Variants in MAN2B2 observed in about 807,000 individuals in gnomAD.
MAN2B2 encodes epididymis-specific alpha-mannosidase.
Under a neutral mutation model 117.1 loss-of-function variants are expected in MAN2B2, and 106 were observed. That is an observed-to-expected ratio of 0.90 (90% CI 0.77 to 1.06). The LOEUF (loss-of-function observed/expected upper bound fraction) is 1.06. Ranked by LOEUF, MAN2B2 falls within the 50% of genes least tolerant of loss-of-function variation. The pLI is 0.00. For missense variants in MAN2B2, 1,326 were observed against 1,381.4 expected, an observed-to-expected ratio of 0.96 and a Z score of 0.64; for synonymous variants, 544 against 595.1, an observed-to-expected ratio of 0.91 and a Z score of 1.25.
chr4:6,585,323 C>T (rs1365498193), intron 3 of MAN2B2, among the ~76,000 whole-genome samples: 7 of 152,206 alleles, frequency 4.6e-5, no homozygotes, highest in African/African-American at 1.7e-4. Context: ...CAGTTTGACT[C>T]TAGATCAGTT....
intron 15 of MAN2B2, among the ~76,000 whole-genome samples, chr4:6,612,042 T>C (rs1450344624): frequency 6.6e-6 from 1 of 152,254 alleles, no homozygotes; most frequent in East Asian, 1.9e-4. Flanking sequence ...GCTGCCATTC[T>C]CACTAATCCT....
chr4:6,579,301 TCACCACCACCACCACCATCAC>T (rs1726299974), intron 3 of MAN2B2, among the ~76,000 whole-genome samples: 1 of 15,818 alleles, frequency 6.3e-5, no homozygotes, highest in South Asian at 2.7e-3. Context: ...ACCACCACCA[TCACCACCACCACCACCATCAC>T]CACCACCACC....
chr4:6,593,531 C>A (rs781007828), intron 6 of MAN2B2, among the ~76,000 whole-genome samples, 181 bp downstream of exon 6: 1 of 152,242 alleles, frequency 6.6e-6, no homozygotes, highest in Non-Finnish European at 1.5e-5. Flanking sequence ...GCCCCTCCCC[C>A]ACCTGGAAAA....
intron 11 of MAN2B2, among the ~76,000 whole-genome samples, chr4:6,607,266 C>T (rs2108752226): frequency 6.6e-6 from 1 of 152,248 alleles, no homozygotes; most frequent in East Asian, 1.9e-4. Flanking sequence ...TGCAGTGGCA[C>T]AATCATGGCT....
At chr4:6,602,141 C>T (rs1437131153) in intron 10 of MAN2B2, among the ~76,000 whole-genome samples, 1 of 152,238 alleles carries the variant, frequency 6.6e-6, no homozygotes, top group Non-Finnish European at 1.5e-5. Context: ...TCAAGCACCA[C>T]CAGCCGTGAG....
In MAN2B2 at chr4:6,594,516, G is replaced by A. The variant is rs777607716; in HGVS notation, c.859-18G>A. 32 of 1,610,378 alleles carry A rather than the reference G, an allele frequency of 2.0e-5. No homozygotes were observed. The highest frequency in any genetic ancestry group is 1.6e-4 in the Middle Eastern group (1 of 6,080). ...CCCTGCTCCCACGGCACAGGATGTT[G>A]CTCCCATGTCCCTGCAGGGATGTGA... On this transcript the variant is annotated intron_variant, in intron 6 of 18. Transcript: ENST00000285599.
chr4:6,591,434 C>G (rs1726856366), intron 5 of MAN2B2, among the ~76,000 whole-genome samples: 1 of 152,264 alleles, frequency 6.6e-6, no homozygotes, highest in Admixed American at 6.5e-5. Context: ...GCGGACTGAA[C>G]ACGCAGGGGC....
intron 10 of MAN2B2, among the ~76,000 whole-genome samples, chr4:6,601,400 T>C (rs944576399): frequency 6.6e-6 from 1 of 151,294 alleles, no homozygotes; most frequent in South Asian, 2.1e-4. Flanking sequence ...ATTGGGAGGC[T>C]GAGGCAGGAG....
intron 4 of MAN2B2, among the ~76,000 whole-genome samples, chr4:6,588,444 G>T (rs1726727945): frequency 6.6e-6 from 1 of 152,202 alleles, no homozygotes; most frequent in Non-Finnish European, 1.5e-5. Context: ...ATTTCCAGTG[G>T]GCACAGTGGC....
chr4:6,617,477 G>T lies in MAN2B2; in HGVS notation c.2799G>T (p.Val933=), dbSNP rs4689490. ...VGEDPVLSQP[V]TVNLEAVLQA... is the part of the protein sequence containing the mutation. ...AGGACCCAGTCCTGTCTCAGCCAGT[G>T]ACAGTGAATCTGGAGGTGAACTTCC... is the stretch of plus-strand genomic sequence containing the variant. The change falls in exon 17 of 19, where the codon GTG becomes GTT. Residue 933 remains valine (V), a synonymous_variant. Coordinates refer to ENST00000285599, the MANE Select transcript of MAN2B2 (RefSeq NM_015274.3). 1 of 1,613,898 alleles carries T rather than the reference G, an allele frequency of 6.2e-7. No homozygotes were observed. Among genetic ancestry groups the T allele is most frequent in the South Asian group, 1.1e-5 (1 of 91,076 alleles).
chr4:6,604,815 G>T (rs1462246220), intron 10 of MAN2B2, among the ~76,000 whole-genome samples: 1 of 152,058 alleles, frequency 6.6e-6, no homozygotes, highest in African/African-American at 2.4e-5. Flanking sequence ...CAGGAGGTGG[G>T]AGTAAGAGAA....
At chr4:6,617,062 C>T (rs1305153513) in intron 16 of MAN2B2, among the ~76,000 whole-genome samples, 2 of 152,194 alleles carry the variant, frequency 1.3e-5, no homozygotes, top group African/African-American at 2.4e-5. Flanking sequence ...TACATGGTGG[C>T]AGGCAAGAGA....
intron 3 of MAN2B2, 132 bp downstream of exon 3, chr4:6,578,630 C>T (rs1416765694): frequency 7.3e-6 from 5 of 681,360 alleles, no homozygotes; most frequent in Non-Finnish European, 9.9e-6. Context: ...CCAGTGAAAG[C>T]AGTGATTTGC....
chr4:6,581,959 G>A (rs1172788861), intron 3 of MAN2B2, among the ~76,000 whole-genome samples: 1 of 152,012 alleles, frequency 6.6e-6, no homozygotes, highest in Non-Finnish European at 1.5e-5. Flanking sequence ...TGTGGGCAGC[G>A]GCCCCCGGGG....
At chr4:6,607,314 C>T (rs978760916) in intron 11 of MAN2B2, among the ~76,000 whole-genome samples, 3 of 152,166 alleles carry the variant, frequency 2.0e-5, no homozygotes, top group African/African-American at 7.2e-5. Flanking sequence ...TCAAGTGATC[C>T]TCCCACCTCA....
chr4:6,614,327 C>G lies in MAN2B2; in HGVS notation c.2673C>G (p.His891Gln). The G allele has an allele frequency of 1.9e-6, 3 of 1,614,138 alleles. No individual in the cohort carries two copies. Among genetic ancestry groups the G allele is most frequent in the Non-Finnish European group, 2.5e-6 (3 of 1,180,000 alleles). ...CTGGCTGGCGCTACAGCTCCAACCA[C>G]ACGGAGCACTCTCAGAATCTCCGGA... The part of the protein sequence containing the change: ...SIPGWRYSSN[H>Q]TEHSQNLRKG... The change falls in exon 16 of 19, where the codon CAC (histidine) becomes CAG (glutamine). Residue 891 changes from histidine (H) to glutamine (Q), a missense_variant. His to Gln is a conservative substitution (Grantham distance 24, BLOSUM62 0). Coordinates refer to ENST00000285599, the MANE Select transcript of MAN2B2 (RefSeq NM_015274.3).
intron 16 of MAN2B2, 24 bp downstream of exon 16, chr4:6,614,379 C>T: frequency 6.2e-7 from 1 of 1,608,606 alleles, no homozygotes; most frequent in Non-Finnish European, 8.5e-7. Context: ...CCTGGCGTCT[C>T]AGACCTGCTC....
chr4:6,582,105 C>G (rs1726452379), intron 3 of MAN2B2, among the ~76,000 whole-genome samples: 1 of 152,062 alleles, frequency 6.6e-6, no homozygotes, highest in South Asian at 2.1e-4. Context: ...CAGCTCCCGC[C>G]TCAGAGGTGC....
intron 7 of MAN2B2, among the ~76,000 whole-genome samples, chr4:6,595,106 C>T (rs766918153): frequency 6.6e-6 from 1 of 152,190 alleles, no homozygotes; most frequent in Admixed American, 6.5e-5. Flanking sequence ...GAGGCTGACT[C>T]GGGCTTCCTT....
Sources: allele counts gnomAD v4.1 joint callset (sites outside exome capture counted in the v4.1 genomes callset), GRCh38; gene constraint gnomAD v4.1.1; transcripts MANE v1.5; gene names NCBI Gene and HGNC (gene_info 2026-07-23, HGNC 2026-07-21).